Variants in OTOF observed in about 807,000 individuals in gnomAD.
OTOF encodes otoferlin, also known as fer-1-like family member 2.
Under a neutral mutation model 236.8 loss-of-function variants are expected in OTOF, and 218 were observed. The ratio of observed to expected loss-of-function variants is 0.92; its 90% CI spans 0.82 to 1.03. The LOEUF is 1.03. OTOF is among the 50% of genes least tolerant of loss of function. The probability of loss-of-function intolerance (pLI) is 0.00; values close to 1 mark genes in which losing one functional copy is unlikely to be tolerated. For synonymous variants in OTOF, 1,041 were observed against 1,072.5 expected (o/e 0.97, Z 0.57); for missense variants, 2,590 against 2,694.4 (o/e 0.96, Z 0.86).
Position 26,471,255 on chromosome 2 carries a change from T to C in OTOF, c.3865-105A>G, listed in dbSNP as rs963258674. The C allele has an allele frequency of 5.2e-6, 7 of 1,347,876 alleles. No individual in the cohort carries two copies. In the Admixed American group the frequency reaches 1.2e-4, roughly 23 times the overall value. The allele number at this position is 1,347,876 out of a possible 1,614,324, so 83.5% of individuals were successfully genotyped here. On this transcript the variant is annotated intron_variant, in intron 30 of 46. Coordinates refer to ENST00000272371, the MANE Select transcript of OTOF (RefSeq NM_194248.3). ...GTGGAGGAGCCGAGATGGAAATTACTGTGTGCTGGCAGCCCCTGTGCCCGC... is the reference window on the plus strand; with the variant it reads ...GTGGAGGAGCCGAGATGGAAATTACCGTGTGCTGGCAGCCCCTGTGCCCGC...
intron 6 of OTOF, 48 bp from the exon 7 acceptor site, chr2:26,502,474 AG>A: frequency 6.3e-7 from 1 of 1,586,856 alleles, no homozygotes; most frequent in South Asian, 1.1e-5. Context: ...ATGGTGAGAT[AG>A]TGACCATTTC....
intron 1 of OTOF, among the ~76,000 whole-genome samples, chr2:26,546,615 C>T (rs959220968): frequency 6.6e-6 from 1 of 152,082 alleles, no homozygotes; most frequent in Non-Finnish European, 1.5e-5. Context: ...AAGTAGTTTT[C>T]AATTTCTACA....
chr2:26,486,191 T>A (rs1665695486), intron 11 of OTOF, among the ~76,000 whole-genome samples: 1 of 150,946 alleles, frequency 6.6e-6, no homozygotes, highest in Non-Finnish European at 1.5e-5. Context: ...GGTGGGTGGA[T>A]CTGTGGATGG....
Position 26,489,537 on chromosome 2 carries a change from G to C in OTOF, c.960+141C>G, listed in dbSNP as rs41288775. 0.023 allele frequency: 17,711 copies of C among 766,824 alleles called. 668 individuals are homozygous for C. Among genetic ancestry groups the C allele is most frequent in the Admixed American group, 0.1 (4,998 of 50,052 alleles). The allele number at this position is 766,824 out of a possible 1,614,324, so 47.5% of individuals were successfully genotyped here. The stretch of plus-strand genomic sequence containing the variant: ...GTGGGTGGGGGCCAGAATCCAGCCT[G>C]TCCCTACTTGCCCAGCCGTGTGTCC... On this transcript the variant is annotated intron_variant, in intron 10 of 46. Coordinates refer to ENST00000272371, the MANE Select transcript of OTOF (RefSeq NM_194248.3).
In OTOF at chr2:26,465,773, C is replaced by T; in HGVS notation, c.4698G>A (p.Leu1566=). The change falls in exon 38 of 47, where the codon CTG becomes CTA. Residue 1566 remains leucine (L), a synonymous_variant. Transcript: ENST00000272371. ...MLTVAVYDWD[L]VGTDDLIGET... is the part of the protein sequence containing the mutation. The stretch of plus-strand genomic sequence containing the variant: ...CCCCAATGAGGTCATCAGTGCCCAC[C>T]AGGTCCCAGTCATACACAGCCACCG... The T allele has an allele frequency of 6.2e-7, 1 of 1,614,246 alleles. No individual in the cohort carries two copies. The highest frequency in any genetic ancestry group is 8.5e-7 in the Non-Finnish European group (1 of 1,180,046).
At chr2:26,499,457 C>A (rs1316378040) in intron 8 of OTOF, among the ~76,000 whole-genome samples, 2 of 152,054 alleles carry the variant, frequency 1.3e-5, no homozygotes, top group Non-Finnish European at 2.9e-5. Context: ...CCAAAGTCTC[C>A]AAGAGAGTGA....
chr2:26,475,713 CAGCTAAAGCCCGT>C (rs1665223301), intron 24 of OTOF, among the ~76,000 whole-genome samples, 188 bp downstream of exon 24: 1 of 152,222 alleles, frequency 6.6e-6, no homozygotes, highest in Non-Finnish European at 1.5e-5. Flanking sequence ...AATATAACCA[CAGCTAAAGCCCGT>C]AGCCTTTCCA....
chr2:26,520,414 A>G (rs1279564050), intron 3 of OTOF, among the ~76,000 whole-genome samples: 1 of 152,012 alleles, frequency 6.6e-6, no homozygotes, highest in Non-Finnish European at 1.5e-5. Flanking sequence ...GTGAACATTG[A>G]TTTTTTAAAA....
intron 46 of OTOF, among the ~76,000 whole-genome samples, chr2:26,459,359 T>C (rs906586558): frequency 3.9e-5 from 6 of 152,120 alleles, no homozygotes; most frequent in Non-Finnish European, 8.8e-5. Flanking sequence ...GAGACCATCC[T>C]GGCTAACACA....
intron 26 of OTOF, 98 bp from the exon 27 acceptor site, chr2:26,474,208 C>T (rs1290983887): frequency 6.6e-7 from 1 of 1,516,438 alleles, no homozygotes; most frequent in East Asian, 2.3e-5. Context: ...ACAGGGAAAC[C>T]CCCTAAGGAC....
chr2:26,489,357 A>G, intron 10 of OTOF, 62 bp from the exon 11 acceptor site: 2 of 1,307,568 alleles, frequency 1.5e-6, no homozygotes, highest in South Asian at 2.5e-5. Flanking sequence ...TCCATGGGGC[A>G]GTGGTGGGAC....
chr2:26,474,097 C>T lies in OTOF; in HGVS notation c.3302G>A (p.Gly1101Glu). 6.2e-7 allele frequency: 1 copy of T among 1,612,968 alleles called. No individual in the cohort carries two copies. Residue 1101 changes from glycine to glutamate, a missense_variant, in exon 27 of 47, where the codon GGG (glycine) becomes GAG (glutamate). Coordinates refer to ENST00000272371, the MANE Select transcript of OTOF (RefSeq NM_194248.3). ...ATTGATGGGGGGCAGGTCAGCCTTC[C>T]CTGCTGGTCCAATCTGGGGAATGGG... ...AFELLQIGPAGKADLPPINGP... is the reference protein window; with the variant it reads ...AFELLQIGPAEKADLPPINGP...
In OTOF at chr2:26,465,714, C is replaced by T; in HGVS notation, c.4757G>A (p.Ser1586Asn). The change falls in exon 38 of 47, where the codon AGC (serine) becomes AAC (asparagine). Residue 1586 changes from serine to asparagine, a missense_variant. Transcript: ENST00000272371. ...TKIDLENRFY[S>N]KHRATCGIAQ... Reference sequence around the variant, plus strand: ...GATGCCGCAGGTGGCGCGGTGCTTGCTGTAGAAGCGGTTCTCCAGGTCGAT... The same window carrying T: ...GATGCCGCAGGTGGCGCGGTGCTTGTTGTAGAAGCGGTTCTCCAGGTCGAT... 1 of 1,614,266 alleles carries T rather than the reference C, an allele frequency of 6.2e-7. No individual in the cohort carries two copies. Among genetic ancestry groups the T allele is most frequent in the South Asian group, 1.1e-5 (1 of 91,090 alleles).
In OTOF at chr2:26,471,118, C is replaced by T; in HGVS notation, c.3894+3G>A. On this transcript the variant is annotated splice_donor_region_variant and intron_variant, in intron 31 of 46. Transcript: ENST00000272371. Reference sequence around the variant, plus strand: ...AGAGCCCCTGCATGGCCCCCACACTCACCACATCCACCTTGACAACAGCTT... The same window carrying T: ...AGAGCCCCTGCATGGCCCCCACACTTACCACATCCACCTTGACAACAGCTT... 6.2e-7 allele frequency: 1 copy of T among 1,614,116 alleles called. No individual in the cohort carries two copies. The highest frequency in any genetic ancestry group is 8.5e-7 in the Non-Finnish European group (1 of 1,179,996).
chr2:26,519,043 G>A lies in OTOF; in HGVS notation c.294C>T (p.Asp98=), dbSNP rs762137392. Residue 98 remains aspartate, a synonymous_variant, in exon 4 of 47, where the codon GAC becomes GAT. Transcript: ENST00000272371. ...VVEESHVEVT[D]TLIDDNNAII... ...TAGCATTGTTGTCATCAATCAGCGT[G>A]TCAGTCACCTCCACATGGCTCTCCT... The A allele has an allele frequency of 1.9e-6, 3 of 1,610,108 alleles. No individual in the cohort carries two copies. In the African/African-American group the frequency reaches 4.0e-5, roughly 21 times the overall value.
rs533924798 is a variant in OTOF at position 26,530,836 on chromosome 2, G to C, written c.139-2916C>G. Among the ~76,000 whole-genome samples, 53 of 152,206 alleles carry C rather than the reference G, an allele frequency of 3.5e-4. 1 individual carries two copies. In the South Asian group the frequency reaches 0.011, roughly 32 times the overall value. ...AATCCCAAGGCCCAGCCTGGAGACC[G>C]ATCAAGCCGGCACCTCTAGGTGGGG... On this transcript the variant is annotated intron_variant, in intron 2 of 46. Transcript: ENST00000272371.
At chr2:26,542,402 G>A (rs1019643548) in intron 1 of OTOF, among the ~76,000 whole-genome samples, 5 of 152,202 alleles carry the variant, frequency 3.3e-5, no homozygotes, top group Non-Finnish European at 7.3e-5. Context: ...TTACAATCCA[G>A]AGGGAGATAT....
At chr2:26,556,809 C>T (rs147635087) in intron 1 of OTOF, among the ~76,000 whole-genome samples, 41 of 152,336 alleles carry the variant, frequency 2.7e-4, no homozygotes, top group East Asian at 1.2e-3. Context: ...TCCGGTGCAG[C>T]CTGGACCGTT....
At chr2:26,537,480 C>T (rs1026590888) in intron 2 of OTOF, among the ~76,000 whole-genome samples, 5 of 152,212 alleles carry the variant, frequency 3.3e-5, no homozygotes, top group Non-Finnish European at 7.3e-5. Context: ...CTGCTGTTCC[C>T]CGTGTCATTT....
Sources: gnomAD v4.1 joint callset for allele counts (sites outside exome capture counted in the v4.1 genomes callset) on GRCh38, gnomAD v4.1.1 for gene constraint, MANE v1.5 for transcripts, NCBI Gene and HGNC (gene_info 2026-07-23, HGNC 2026-07-21) for gene names.